LINGO2: variants seen among roughly 807,000 people sequenced by gnomAD.
LINGO2 encodes leucine rich repeat and Ig domain containing 2, also known as leucine-rich repeat and immunoglobulin-like domain-containing nogo receptor-interacting protein 2.
Under a neutral mutation model 30.6 loss-of-function variants are expected in LINGO2, and 14 were observed. The ratio of observed to expected loss-of-function variants is 0.46; its 90% CI spans 0.30 to 0.72. The LOEUF (loss-of-function observed/expected upper bound fraction) is 0.72, where lower values mean the gene tolerates loss of function less well. LINGO2 is among the 30% of genes least tolerant of loss of function. LINGO2 has a pLI of 0.07. For synonymous variants in LINGO2, 317 were observed against 288.5 expected (o/e 1.10, Z -1.00); for missense variants, 729 against 751.7 (o/e 0.97, Z 0.35).
At chr9:28,903,965 A>G in the LINGO2 span, among the ~76,000 whole-genome samples, 1 of 152,144 alleles carries the variant, frequency 6.6e-6, no homozygotes, top group African/African-American at 2.4e-5. Context: ...CCTCAACAAA[A>G]TACTAGCAAA....
chr9:28,138,247 C>A (rs547694205), intron 4 of LINGO2, among the ~76,000 whole-genome samples: 2 of 152,152 alleles, frequency 1.3e-5, no homozygotes, highest in African/African-American at 4.8e-5. Flanking sequence ...TTTCAATTTA[C>A]CTAAAACACT....
At chr9:28,759,681 CAAAAAGAAAAAAA>C in the LINGO2 span, among the ~76,000 whole-genome samples, 1 of 144,746 alleles carries the variant, frequency 6.9e-6, no homozygotes, top group Non-Finnish European at 1.5e-5. Flanking sequence ...GAATCTGTCT[CAAAAAGAAAAAAA>C]AAAAAGAAAG....
intron 4 of LINGO2, among the ~76,000 whole-genome samples, chr9:28,251,057 GAA>G (rs149731600): frequency 2.0e-5 from 3 of 149,842 alleles, no homozygotes; most frequent in Admixed American, 6.6e-5. Context: ...ATTTTAAAAA[GAA>G]AAAAAAAATT....
chr9:28,019,718 T>C (rs1332845609), intron 4 of LINGO2, among the ~76,000 whole-genome samples: 1 of 152,170 alleles, frequency 6.6e-6, no homozygotes, highest in Non-Finnish European at 1.5e-5. Context: ...TCATTAGGGA[T>C]GCAAAAGCAA....
At chr9:28,913,092 G>C in the LINGO2 span, among the ~76,000 whole-genome samples, 2 of 152,136 alleles carry the variant, frequency 1.3e-5, no homozygotes, top group Non-Finnish European at 2.9e-5. Context: ...AACTGATCTA[G>C]ACAATAATTA....
the LINGO2 span, among the ~76,000 whole-genome samples, chr9:29,080,882 T>C: frequency 6.6e-6 from 1 of 152,050 alleles, no homozygotes; most frequent in African/African-American, 2.4e-5. Flanking sequence ...GTGGTCAATT[T>C]TGGAATAAGT....
At chr9:28,193,592 T>C (rs1336373057) in intron 4 of LINGO2, among the ~76,000 whole-genome samples, 1 of 152,064 alleles carries the variant, frequency 6.6e-6, no homozygotes, top group Non-Finnish European at 1.5e-5. Flanking sequence ...CTACTATGTT[T>C]TAGGGGAAAA....
At chr9:28,358,168 G>A (rs551890582) in intron 3 of LINGO2, among the ~76,000 whole-genome samples, 39 of 152,046 alleles carry the variant, frequency 2.6e-4, no homozygotes, top group Non-Finnish European at 5.1e-4. Flanking sequence ...TTGTTACTAT[G>A]TGTCAGGCAC....
At chr9:28,740,509 T>C in the LINGO2 span, among the ~76,000 whole-genome samples, 2 of 151,908 alleles carry the variant, frequency 1.3e-5, no homozygotes, top group Admixed American at 6.6e-5. Context: ...CATACATCTT[T>C]AATATTATTG....
intron 4 of LINGO2, among the ~76,000 whole-genome samples, chr9:28,074,405 T>C (rs987674328): frequency 3.9e-5 from 6 of 152,230 alleles, no homozygotes; most frequent in African/African-American, 1.4e-4. Context: ...TATAATGCCA[T>C]TGTTCTTCAT....
At chr9:29,026,308 A>G in the LINGO2 span, among the ~76,000 whole-genome samples, 288 of 152,192 alleles carry the variant, frequency 1.9e-3, 1 homozygote, top group African/African-American at 6.5e-3. Context: ...GGATTACATG[A>G]CATTGTAATT....
chr9:29,132,166 C>T, the LINGO2 span, among the ~76,000 whole-genome samples: 63,915 of 151,470 alleles, frequency 0.42, 13,627 homozygotes, highest in East Asian at 0.58. Context: ...GAAAGACCAT[C>T]TGTCCCTCTG....
At chr9:28,048,063 G>C (rs10968304) in intron 4 of LINGO2, among the ~76,000 whole-genome samples, 3,737 of 150,898 alleles carry the variant, frequency 0.025, 181 homozygotes, top group East Asian at 0.043. Flanking sequence ...ACTTAAAACT[G>C]CATGTACTGG....
chr9:28,728,228 A>T, the LINGO2 span, among the ~76,000 whole-genome samples: 16 of 152,192 alleles, frequency 1.1e-4, no homozygotes, highest in African/African-American at 3.9e-4. Flanking sequence ...AGAAGGAAGA[A>T]GAAAACCACA....
the LINGO2 span, among the ~76,000 whole-genome samples, chr9:29,181,683 T>C: frequency 3.3e-5 from 5 of 152,044 alleles, 1 homozygote; most frequent in South Asian, 2.1e-4. Flanking sequence ...CATCAAGAAA[T>C]AGACTTAACA....
chr9:28,300,488 A>C (rs1193622556), intron 3 of LINGO2, among the ~76,000 whole-genome samples: 1 of 152,116 alleles, frequency 6.6e-6, no homozygotes, highest in Non-Finnish European at 1.5e-5. Context: ...TTTACCAATT[A>C]AAATAGGCCA....
chr9:28,494,836 A>C (rs893942261), intron 1 of LINGO2, among the ~76,000 whole-genome samples: 2 of 152,190 alleles, frequency 1.3e-5, no homozygotes, highest in African/African-American at 2.4e-5. Flanking sequence ...TCCCACCAAC[A>C]GTGTAAAAGT....
the LINGO2 span, among the ~76,000 whole-genome samples, chr9:28,720,240 C>T: frequency 1.3e-5 from 2 of 152,008 alleles, no homozygotes; most frequent in African/African-American, 4.8e-5. Context: ...CAAGCTTTGC[C>T]ATAGATTCAC....
chr9:28,296,982 C>G (rs1823946374), intron 3 of LINGO2, among the ~76,000 whole-genome samples: 1 of 152,078 alleles, frequency 6.6e-6, no homozygotes, highest in Non-Finnish European at 1.5e-5. Context: ...AACCTGTTTT[C>G]ATGAATGATA....
Sources: allele counts gnomAD v4.1 joint callset (sites outside exome capture counted in the v4.1 genomes callset), GRCh38; gene constraint gnomAD v4.1.1; transcripts MANE v1.5; gene names NCBI Gene and HGNC (gene_info 2026-07-23, HGNC 2026-07-21).